The following MTSS1 variants were observed in gnomAD, a reference collection of about 807,000 sequenced individuals.
The protein encoded by MTSS1 is MTSS I-BAR domain containing 1.
A neutral mutation model predicts 79.0 loss-of-function variants in MTSS1; 18 were observed. That is an observed-to-expected ratio of 0.23 (90% CI 0.16 to 0.34). The LOEUF is 0.34. MTSS1 is among the 10% of genes least tolerant of loss of function. The probability of loss-of-function intolerance (pLI) is 1.00; values close to 1 mark genes in which losing one functional copy is unlikely to be tolerated. For missense variants in MTSS1, 815 were observed against 986.2 expected (o/e 0.83, Z 2.33); for synonymous variants, 341 against 368.6 (o/e 0.93, Z 0.86).
intron 3 of MTSS1, among the ~76,000 whole-genome samples, chr8:124,606,727 C>G (rs1834950263): frequency 6.6e-6 from 1 of 151,894 alleles, no homozygotes; most frequent in South Asian, 2.1e-4. Flanking sequence ...GTTTTATCAG[C>G]CAGATTCAAA....
intron 3 of MTSS1, among the ~76,000 whole-genome samples, chr8:124,649,476 C>T (rs75892523): frequency 5.3e-5 from 8 of 152,120 alleles, no homozygotes; most frequent in African/African-American, 9.6e-5. Context: ...ATGACCCTGG[C>T]GAGCCTTGGC....
chr8:124,670,399 C>A (rs1823919019), intron 3 of MTSS1, among the ~76,000 whole-genome samples: 1 of 150,774 alleles, frequency 6.6e-6, no homozygotes, highest in Admixed American at 6.6e-5. Context: ...CCTGGCGGCA[C>A]CCCACACAGC....
At position 124,565,695 on chromosome 8, in the gene MTSS1, C is replaced by G. The variant is rs966499072; in HGVS notation, c.791G>C (p.Ser264Thr). ...ACTGGACTTTCTGGACATGGTGGTG[C>G]TGGGGGAAGAGGGTGGCGTCTGATA... is the stretch of plus-strand genomic sequence containing the variant. ...WSYQTPPSSPSTTMSRKSSVC... is the reference protein window; with the variant it reads ...WSYQTPPSSPTTTMSRKSSVC... The change falls in exon 9 of 14, where the codon AGC becomes ACC. Residue 264 changes from serine to threonine, a missense_variant. This residue lies in a region of MTSS1 where 225 missense variants were observed against 365.4 expected (regional missense o/e 0.62). Coordinates refer to ENST00000518547, the MANE Select transcript of MTSS1 (RefSeq NM_014751.6). 1 of 1,613,936 alleles carries G rather than the reference C, an allele frequency of 6.2e-7. No homozygotes were observed. The highest frequency in any genetic ancestry group is 1.7e-5 in the Admixed American group (1 of 59,990).
intron 5 of MTSS1, among the ~76,000 whole-genome samples, chr8:124,586,607 C>T (rs143602500): frequency 0.012 from 1,779 of 152,236 alleles, 43 homozygotes; most frequent in African/African-American, 0.041. Flanking sequence ...GAGTGGGTTG[C>T]GTGTGGCTGC....
intron 3 of MTSS1, among the ~76,000 whole-genome samples, chr8:124,672,983 G>A (rs1824567795): frequency 6.6e-6 from 1 of 152,104 alleles, no homozygotes; most frequent in African/African-American, 2.4e-5. Context: ...AGGAAAGAGA[G>A]CCAAGCCCCA....
intron 3 of MTSS1, among the ~76,000 whole-genome samples, chr8:124,613,882 G>C (rs1184189955): frequency 6.6e-6 from 1 of 152,154 alleles, no homozygotes; most frequent in Non-Finnish European, 1.5e-5. Flanking sequence ...AAAAGTTAGG[G>C]ATATGGTTGG....
intron 7 of MTSS1, chr8:124,568,153 G>T (rs951982984): frequency 5.3e-5 from 36 of 677,474 alleles, no homozygotes; most frequent in Non-Finnish European, 7.3e-5. Context: ...GGGCCTTCTT[G>T]ACTTGGTGAG....
chr8:124,686,843 GTGTCAC>G (rs1463213037), intron 3 of MTSS1, among the ~76,000 whole-genome samples: 1 of 152,184 alleles, frequency 6.6e-6, no homozygotes, highest in East Asian at 1.9e-4. Flanking sequence ...TGGTACTGGA[GTGTCAC>G]ATAGACGAGA....
chr8:124,644,655 G>A (rs1025213701), intron 3 of MTSS1, among the ~76,000 whole-genome samples: 4 of 152,342 alleles, frequency 2.6e-5, no homozygotes, highest in South Asian at 4.1e-4. Flanking sequence ...TGAGCAGGAC[G>A]TGGTGGGGTT....
intron 3 of MTSS1, among the ~76,000 whole-genome samples, chr8:124,681,542 C>T (rs778185439): frequency 1.3e-5 from 2 of 152,226 alleles, no homozygotes; most frequent in African/African-American, 2.4e-5. Context: ...AATCCCAGCA[C>T]TTTGGGAGGC....
intron 3 of MTSS1, among the ~76,000 whole-genome samples, chr8:124,612,924 C>T (rs546494750): frequency 3.9e-5 from 6 of 152,154 alleles, no homozygotes; most frequent in East Asian, 3.9e-4. Flanking sequence ...GGACAAATTC[C>T]GTAGGCAGGC....
intron 3 of MTSS1, among the ~76,000 whole-genome samples, chr8:124,591,487 T>C (rs1486435772): frequency 6.6e-6 from 1 of 152,252 alleles, no homozygotes; most frequent in African/African-American, 2.4e-5. Context: ...CACACTCTGT[T>C]AGTTTCTATT....
At chr8:124,675,913 G>A (rs1013765287) in intron 3 of MTSS1, among the ~76,000 whole-genome samples, 13 of 152,162 alleles carry the variant, frequency 8.5e-5, no homozygotes, top group South Asian at 2.1e-4. Context: ...AGATGTTTCC[G>A]CCTTTTGGTT....
At position 124,567,994 on chromosome 8, in the gene MTSS1, G is replaced by C. The variant is rs1826898008; in HGVS notation, c.618+385C>G. ...CAACAGTGAGTCTCAAAACCACCTG[G>C]AGTGCTCCTTTAAAACACAGACGAC... On this transcript the variant is annotated intron_variant, in intron 7 of 13. Coordinates refer to ENST00000518547, the MANE Select transcript of MTSS1 (RefSeq NM_014751.6). 3.0e-6 allele frequency: 4 copies of C among 1,311,646 alleles called. 1 individual carries two copies. The South Asian group carries it at 9.0e-5, about 29-fold the overall frequency. The allele number at this position is 1,311,646 out of a possible 1,614,324, so 81.3% of individuals were successfully genotyped here.
intron 1 of MTSS1, among the ~76,000 whole-genome samples, chr8:124,722,354 C>T (rs1263663450): frequency 1.3e-5 from 2 of 152,152 alleles, no homozygotes; most frequent in Non-Finnish European, 2.9e-5. Context: ...CCAAACAAAT[C>T]GGGAAGCAGG....
At chr8:124,680,884 C>G (rs1466627776) in intron 3 of MTSS1, among the ~76,000 whole-genome samples, 1 of 152,150 alleles carries the variant, frequency 6.6e-6, no homozygotes, top group African/African-American at 2.4e-5. Flanking sequence ...TTACCCCAGT[C>G]TCTACTCCTA....
intron 1 of MTSS1, among the ~76,000 whole-genome samples, chr8:124,718,292 A>G (rs2135744893): frequency 6.6e-6 from 1 of 151,312 alleles, no homozygotes; most frequent in African/African-American, 2.4e-5. Flanking sequence ...CTTCCTCCTC[A>G]GTGACTTAAT....
At chr8:124,566,105 G>C (rs1826366002) in intron 8 of MTSS1, 1 of 169,378 alleles carries the variant, frequency 5.9e-6, no homozygotes, top group Non-Finnish European at 1.3e-5. Context: ...TTTTCCTCTT[G>C]TAATGCCATA....
At chr8:124,581,484 C>G (rs1830045101) in intron 6 of MTSS1, among the ~76,000 whole-genome samples, 1 of 149,770 alleles carries the variant, frequency 6.7e-6, no homozygotes, top group African/African-American at 2.5e-5. Context: ...GAGACAGAGT[C>G]TCCCTCCGTT....
Sources: allele counts gnomAD v4.1 joint callset (sites outside exome capture counted in the v4.1 genomes callset), GRCh38; gene constraint gnomAD v4.1.1; regional missense constraint gnomAD v4.1.1; transcripts MANE v1.5; gene names NCBI Gene and HGNC (gene_info 2026-07-23, HGNC 2026-07-21).